TNKS: variants seen among roughly 807,000 people sequenced by gnomAD.
TNKS encodes the protein tankyrase.
A neutral mutation model predicts 135.8 loss-of-function variants in TNKS; 72 were observed. That is an observed-to-expected ratio of 0.53 (90% confidence interval 0.44 to 0.64). TNKS has a LOEUF of 0.64. Ranked by LOEUF, TNKS falls within the 30% of genes least tolerant of loss-of-function variation. The pLI is 0.00. For synonymous variants in TNKS, 849 were observed against 649.3 expected (o/e 1.31, Z -4.68); for missense variants, 1,769 against 1,674.0 (o/e 1.06, Z -0.99).
intron 3 of TNKS, among the ~76,000 whole-genome samples, chr8:9,616,188 G>A (rs1018086550): frequency 2.0e-5 from 3 of 152,016 alleles, no homozygotes; most frequent in Admixed American, 1.3e-4. Flanking sequence ...TAACTGAGGC[G>A]TTTATTATCT....
At chr8:9,607,261 T>C (rs530009543) in intron 2 of TNKS, among the ~76,000 whole-genome samples, 7 of 152,184 alleles carry the variant, frequency 4.6e-5, no homozygotes. Flanking sequence ...TTTATGCAAA[T>C]GTTATTCATA....
rs574243182 is a variant in TNKS, at chr8:9,666,602, C to G, written c.995-13349C>G. Among the ~76,000 whole-genome samples, 12 of 152,126 alleles carry G rather than the reference C, an allele frequency of 7.9e-5. No homozygotes were observed. In the East Asian group the frequency reaches 2.1e-3, roughly 27 times the overall value. ...GGCTGTGGTGGCTCACGCCTGTAGT[C>G]CCAGCTACTCGAGAGGATGAGGCAC... On this transcript the variant is annotated intron_variant, in intron 3 of 26. Coordinates refer to ENST00000310430, the MANE Select transcript of TNKS (RefSeq NM_003747.3).
At chr8:9,573,647 G>C (rs1797841784) in intron 1 of TNKS, among the ~76,000 whole-genome samples, 1 of 152,054 alleles carries the variant, frequency 6.6e-6, no homozygotes, top group Non-Finnish European at 1.5e-5. Context: ...TTATCTGTTG[G>C]GTGTAATGGG....
rs763243610 is a variant in TNKS, at chr8:9,735,483, T to C, written c.2640T>C (p.Tyr880=). ...GLIPLHNAAS[Y]GHVDIAALLI... is the part of the protein sequence containing the mutation. ...TTCCTCTTCATAATGCGGCATCTTATGGGGTAAGCATACTAACATTAAAAT... is the reference window on the plus strand; with the variant it reads ...TTCCTCTTCATAATGCGGCATCTTACGGGGTAAGCATACTAACATTAAAAT... Residue 880 remains tyrosine, a synonymous_variant, in exon 17 of 27, where the codon TAT becomes TAC. Coordinates refer to ENST00000310430, the MANE Select transcript of TNKS (RefSeq NM_003747.3). The C allele has an allele frequency of 1.2e-6, 2 of 1,612,762 alleles. No homozygotes were observed. Among genetic ancestry groups the C allele is most frequent in the Admixed American group, 3.3e-5 (2 of 59,994 alleles).
At chr8:9,658,495 G>C in intron 3 of TNKS, 1 of 579,652 alleles carries the variant, frequency 1.7e-6, no homozygotes, top group Non-Finnish European at 2.8e-6. Flanking sequence ...AGCTTCATAA[G>C]TGAAGGAGAA....
chr8:9,708,946 A>G (rs1475060359), intron 9 of TNKS, among the ~76,000 whole-genome samples: 1 of 152,054 alleles, frequency 6.6e-6, no homozygotes, highest in Non-Finnish European at 1.5e-5. Context: ...AAGATCATGA[A>G]TTTTTTGTTT....
At position 9,720,355 on chromosome 8, in the gene TNKS, C is replaced by G. The variant is rs1166685204; in HGVS notation, c.1750-19C>G. ...AAACAAGATGCTCAATTCCATGTGC[C>G]CACGCAATGATTTTTCAGATGAATG... is the stretch of plus-strand genomic sequence containing the variant. On this transcript the variant is annotated intron_variant, in intron 11 of 26. Coordinates refer to ENST00000310430, the MANE Select transcript of TNKS (RefSeq NM_003747.3). 4 of 1,561,678 alleles carry G rather than the reference C, an allele frequency of 2.6e-6. No homozygotes were observed. Among genetic ancestry groups the G allele is most frequent in the African/African-American group, 2.7e-5 (2 of 72,916 alleles).
At chr8:9,620,547 A>G (rs1322710078) in intron 3 of TNKS, among the ~76,000 whole-genome samples, 1 of 152,206 alleles carries the variant, frequency 6.6e-6, no homozygotes, top group Non-Finnish European at 1.5e-5. Flanking sequence ...CAGATTCTTT[A>G]ACAGTGGCCT....
At chr8:9,764,250 A>G (rs1807305235) in intron 22 of TNKS, among the ~76,000 whole-genome samples, 3 of 152,082 alleles carry the variant, frequency 2.0e-5, no homozygotes, top group South Asian at 2.1e-4. Flanking sequence ...ATTATAGTCA[A>G]TGTCCCCTGG....
intron 11 of TNKS, among the ~76,000 whole-genome samples, chr8:9,712,340 C>T (rs1445885923): frequency 1.3e-5 from 2 of 151,672 alleles, no homozygotes; most frequent in Non-Finnish European, 2.9e-5. Flanking sequence ...ATTAGCCAGT[C>T]GTGGTGGTGT....
intron 2 of TNKS, among the ~76,000 whole-genome samples, chr8:9,584,005 A>G (rs1166952127): frequency 6.6e-6 from 1 of 151,588 alleles, no homozygotes; most frequent in African/African-American, 2.4e-5. Flanking sequence ...TCTACTAAAA[A>G]TACAAAAAAT....
At chr8:9,715,601 T>G (rs1804567830) in intron 11 of TNKS, among the ~76,000 whole-genome samples, 1 of 152,088 alleles carries the variant, frequency 6.6e-6, no homozygotes, top group African/African-American at 2.4e-5. Context: ...AAAGAGTCTG[T>G]TGATGTGGTT....
intron 1 of TNKS, among the ~76,000 whole-genome samples, chr8:9,560,080 G>A (rs573082147): frequency 6.6e-6 from 1 of 152,208 alleles, no homozygotes; most frequent in African/African-American, 2.4e-5. Context: ...ATTATTTAAA[G>A]TATAGCAGTC....
intron 17 of TNKS, chr8:9,743,576 A>C (rs1365229527): frequency 6.6e-6 from 1 of 152,192 alleles, no homozygotes; most frequent in Non-Finnish European, 1.5e-5. Context: ...ATGCAAGGTA[A>C]TACTGTTATT....
chr8:9,766,217 C>G, intron 24 of TNKS, 22 bp from the exon 25 acceptor site: 1 of 1,584,110 alleles, frequency 6.3e-7, no homozygotes, highest in South Asian at 1.1e-5. Context: ...AAAAACGAAT[C>G]TTTCTGTCTT....
chr8:9,598,274 C>T (rs1297427543), intron 2 of TNKS, among the ~76,000 whole-genome samples: 1 of 151,902 alleles, frequency 6.6e-6, no homozygotes, highest in Admixed American at 6.6e-5. Flanking sequence ...GTCTTGATCT[C>T]CTGACCTCGT....
intron 17 of TNKS, among the ~76,000 whole-genome samples, chr8:9,736,176 A>T (rs1217920395): frequency 3.3e-5 from 5 of 151,426 alleles, no homozygotes; most frequent in African/African-American, 9.7e-5. Context: ...TGCAGCTGTT[A>T]TACAGGCATG....
At position 9,556,528 on chromosome 8, in the gene TNKS, C is replaced by G. The variant is rs753010249; in HGVS notation, c.589C>G (p.Arg197Gly). The G allele has an allele frequency of 1.9e-6, 3 of 1,614,104 alleles. No homozygotes were observed. The highest frequency in any genetic ancestry group is 2.5e-6 in the Non-Finnish European group (3 of 1,180,026). The change falls in exon 1 of 27, where the codon CGG (arginine) becomes GGG (glycine). Residue 197 changes from arginine to glycine, a missense_variant. This residue lies in a region of TNKS where 450 missense variants were observed against 304.9 expected (regional missense o/e 1.48). Transcript: ENST00000310430. ...LEACRNGDVS[R>G]VKRLVDAANV... ...GGCCTGTCGCAATGGGGACGTGTCC[C>G]GGGTAAAGAGGCTGGTGGACGCGGC...
chr8:9,746,421 C>G (rs983930602), intron 17 of TNKS, among the ~76,000 whole-genome samples: 1 of 152,118 alleles, frequency 6.6e-6, no homozygotes, highest in South Asian at 2.1e-4. Flanking sequence ...TTGAGTGAAC[C>G]TGGTCTCCAT....
Sources: allele counts gnomAD v4.1 joint callset (sites outside exome capture counted in the v4.1 genomes callset), GRCh38; gene constraint gnomAD v4.1.1; regional missense constraint gnomAD v4.1.1; transcripts MANE v1.5; gene names NCBI Gene and HGNC (gene_info 2026-07-23, HGNC 2026-07-21).